FAAH2: variants seen among roughly 807,000 people sequenced by gnomAD.
The protein encoded by FAAH2 is fatty acid amide hydrolase 2, also known as fatty-acid amide hydrolase 2.
In FAAH2, 60 loss-of-function variants were observed where a neutral mutation model predicts 36.9. The observed-to-expected ratio is 1.63, with a 90% CI of 1.32 to 2.02. The LOEUF (loss-of-function observed/expected upper bound fraction) is 2.02, where lower values mean the gene tolerates loss of function less well. FAAH2 is among the 30% of genes most tolerant of loss of function. The pLI is 0.00. For missense variants in FAAH2, 689 were observed against 397.5 expected, an observed-to-expected ratio of 1.73 and a Z score of -6.23; for synonymous variants, 214 against 143.8, an observed-to-expected ratio of 1.49 and a Z score of -3.49.
chrX:57,379,389 G>T (rs1245663436), intron 6 of FAAH2, among the ~76,000 whole-genome samples: 1 of 110,888 alleles, frequency 9.0e-6, no homozygotes, highest in South Asian at 3.8e-4. Context: ...TTAGAGTGGA[G>T]AAAATATCTT....
At chrX:57,281,406 G>A in the FAAH2 span, among the ~76,000 whole-genome samples, 2 of 111,566 alleles carry the variant, frequency 1.8e-5, no homozygotes, top group Non-Finnish European at 3.8e-5. Flanking sequence ...CCTACTTTAA[G>A]CACAAGTTTA....
intron 5 of FAAH2, among the ~76,000 whole-genome samples, chrX:57,375,939 T>G (rs1305794205): frequency 2.7e-5 from 3 of 111,730 alleles, no homozygotes; most frequent in African/African-American, 9.7e-5. Context: ...AAGTTACTAT[T>G]TTTCTATATA....
At chrX:57,235,269 T>A in the FAAH2 span, among the ~76,000 whole-genome samples, 1 of 111,529 alleles carries the variant, frequency 9.0e-6, no homozygotes, top group Non-Finnish European at 1.9e-5. Flanking sequence ...GTTTGTTCAG[T>A]TGCTAGAGAA....
At position 57,448,604 on chromosome X, in the gene FAAH2, A is replaced by G. The variant is rs763659100; in HGVS notation, c.1309A>G (p.Lys437Glu). 5 of 1,211,687 alleles carry G rather than the reference A, an allele frequency of 4.1e-6. No homozygotes were observed. In the South Asian group the frequency reaches 8.8e-5, roughly 21 times the overall value. Reference sequence around the variant, plus strand: ...TAAGGCAGTGGAAGAAAGCCTGCGTAAAGAGCTGGTGGATATGCTAGGTGA... The same window carrying G: ...TAAGGCAGTGGAAGAAAGCCTGCGTGAAGAGCTGGTGGATATGCTAGGTGA... ...KFKAVEESLR[K>E]ELVDMLGDDG... The change falls in exon 10 of 11, where the codon AAA (lysine) becomes GAA (glutamate). Residue 437 changes from lysine (K) to glutamate (E), a missense_variant. Transcript: ENST00000374900.
the FAAH2 span, among the ~76,000 whole-genome samples, chrX:57,154,267 C>CTTT: frequency 1.1e-5 from 1 of 95,009 alleles, no homozygotes; most frequent in Non-Finnish European, 2.1e-5. Context: ...TATGTTGTAT[C>CTTT]TTTTTTTTTT....
the FAAH2 span, among the ~76,000 whole-genome samples, chrX:57,123,318 C>A: frequency 8.9e-6 from 1 of 112,003 alleles, no homozygotes; most frequent in Non-Finnish European, 1.9e-5. Flanking sequence ...CATGTCCCTA[C>A]AAAGGACACG....
At chrX:57,468,226 A>C (rs2057088256) in intron 10 of FAAH2, among the ~76,000 whole-genome samples, 1 of 112,088 alleles carries the variant, frequency 8.9e-6, no homozygotes, top group Non-Finnish European at 1.9e-5. Flanking sequence ...CCTCAACAGC[A>C]ATGGAACAAA....
intron 3 of FAAH2, among the ~76,000 whole-genome samples, chrX:57,316,108 G>A (rs187147416): frequency 2.0e-4 from 22 of 110,941 alleles, no homozygotes; most frequent in Admixed American, 5.8e-4. Flanking sequence ...TCCTGGTTGA[G>A]ATTCACACAA....
intron 6 of FAAH2, among the ~76,000 whole-genome samples, chrX:57,380,390 A>G (rs949582434): frequency 1.8e-5 from 2 of 111,365 alleles, no homozygotes; most frequent in Non-Finnish European, 3.8e-5. Context: ...GCCATTTCAG[A>G]TAACTGAGAC....
the FAAH2 span, among the ~76,000 whole-genome samples, chrX:57,260,113 TA>T: frequency 9.0e-6 from 1 of 111,719 alleles, no homozygotes; most frequent in African/African-American, 3.2e-5. Flanking sequence ...TTTTTTACTT[TA>T]AAAACCCTTC....
At chrX:57,205,665 T>C in the FAAH2 span, among the ~76,000 whole-genome samples, 2 of 112,393 alleles carry the variant, frequency 1.8e-5, no homozygotes, top group Non-Finnish European at 3.8e-5. Flanking sequence ...AGCTTTACCA[T>C]TACTAGACCC....
At chrX:57,394,599 G>C in intron 7 of FAAH2, 1 of 1,169,089 alleles carries the variant, frequency 8.6e-7, no homozygotes, top group Non-Finnish European at 1.2e-6. Flanking sequence ...CTCTGCATGA[G>C]CATTGCAACC....
At chrX:57,137,079 C>G in the FAAH2 span, 1 of 792,917 alleles carries the variant, frequency 1.3e-6, no homozygotes, top group Admixed American at 6.9e-5. Flanking sequence ...CTATTCCTAC[C>G]CCCTTTCCCT....
the FAAH2 span, among the ~76,000 whole-genome samples, chrX:57,158,153 C>G: frequency 1.8e-5 from 2 of 111,675 alleles, no homozygotes; most frequent in South Asian, 3.8e-4. Flanking sequence ...CCAGCTTCAT[C>G]CATGTCCCTA....
At chrX:57,225,524 T>C in the FAAH2 span, among the ~76,000 whole-genome samples, 3 of 111,940 alleles carry the variant, frequency 2.7e-5, no homozygotes, top group Admixed American at 2.8e-4. Flanking sequence ...AATTTCAATT[T>C]TCTTAAATTT....
At chrX:57,125,449 A>G in the FAAH2 span, among the ~76,000 whole-genome samples, 12 of 111,666 alleles carry the variant, frequency 1.1e-4, no homozygotes, top group East Asian at 3.4e-3. Flanking sequence ...GGGGTTACCA[A>G]GGTTCTGAAC....
At chrX:57,328,714 G>T (rs1382733611) in intron 3 of FAAH2, among the ~76,000 whole-genome samples, 1 of 111,466 alleles carries the variant, frequency 9.0e-6, no homozygotes, top group Non-Finnish European at 1.9e-5. Context: ...ATTTAAAGTT[G>T]TTTTTTGGGT....
chrX:57,195,089 T>C, the FAAH2 span, among the ~76,000 whole-genome samples: 2 of 111,407 alleles, frequency 1.8e-5, no homozygotes, highest in Admixed American at 1.9e-4. Context: ...GTGCAAGTCT[T>C]TTTCACTAAT....
the FAAH2 span, among the ~76,000 whole-genome samples, chrX:57,267,638 T>C: frequency 9.0e-6 from 1 of 110,933 alleles, no homozygotes; most frequent in African/African-American, 3.3e-5. Context: ...ACACCTCAGT[T>C]CCCCCAGTGC....
Sources: allele counts gnomAD v4.1 joint callset (sites outside exome capture counted in the v4.1 genomes callset), GRCh38; gene constraint gnomAD v4.1.1; transcripts MANE v1.5; gene names NCBI Gene and HGNC (gene_info 2026-07-23, HGNC 2026-07-21).